ZFHX3: variants seen among roughly 807,000 people sequenced by gnomAD.
ZFHX3 encodes zinc finger homeobox 3, also known as zinc finger homeobox protein 3.
Under a neutral mutation model 279.1 loss-of-function variants are expected in ZFHX3, and 42 were observed. The ratio of observed to expected loss-of-function variants is 0.15; its 90% CI spans 0.12 to 0.19. ZFHX3 has a LOEUF of 0.19. Among genes scored for constraint, ZFHX3 ranks in the 10% least tolerant of loss-of-function variants. The pLI is 1.00. For synonymous variants in ZFHX3, 2,293 were observed against 1,957.8 expected (o/e 1.17, Z -4.52); for missense variants, 4,981 against 4,754.0 (o/e 1.05, Z -1.40).
At chr16:73,804,328 A>G (rs1221179942) in intron 1 of ZFHX3, among the ~76,000 whole-genome samples, 1 of 152,208 alleles carries the variant, frequency 6.6e-6, no homozygotes, top group African/African-American at 2.4e-5. Flanking sequence ...TGAAAAACAA[A>G]AACTACACCA....
intron 5 of ZFHX3, among the ~76,000 whole-genome samples, chr16:73,169,448 C>A (rs1163413269): frequency 3.3e-5 from 5 of 152,158 alleles, no homozygotes; most frequent in Non-Finnish European, 7.4e-5. Flanking sequence ...TGGGCAGTAT[C>A]TGGGCAACAT....
At chr16:73,646,589 T>C (rs1214428986) in intron 2 of ZFHX3, among the ~76,000 whole-genome samples, 1 of 152,042 alleles carries the variant, frequency 6.6e-6, no homozygotes, top group African/African-American at 2.4e-5. Context: ...GGAAAGACAA[T>C]TAATATTAGG....
chr16:73,709,797 T>C (rs1159921388), intron 1 of ZFHX3, among the ~76,000 whole-genome samples: 2 of 152,006 alleles, frequency 1.3e-5, no homozygotes, highest in East Asian at 3.9e-4. Flanking sequence ...GAAAAAATGG[T>C]AAGTATGTAA....
intron 1 of ZFHX3, among the ~76,000 whole-genome samples, chr16:73,792,935 T>C (rs1375139710): frequency 1.3e-5 from 2 of 148,920 alleles, no homozygotes; most frequent in Non-Finnish European, 3.0e-5. Flanking sequence ...TTGACGTTTG[T>C]TACAGAGAGC....
At chr16:73,209,663 A>G (rs2011939034) in intron 5 of ZFHX3, among the ~76,000 whole-genome samples, 1 of 152,126 alleles carries the variant, frequency 6.6e-6, no homozygotes, top group Non-Finnish European at 1.5e-5. Context: ...TATAGCTGGT[A>G]TTGTTTTGCA....
At chr16:73,561,723 A>G (rs2020372494) in intron 2 of ZFHX3, among the ~76,000 whole-genome samples, 1 of 152,220 alleles carries the variant, frequency 6.6e-6, no homozygotes, top group South Asian at 2.1e-4. Context: ...TTACAACAAA[A>G]ATCCAGCTAC....
At chr16:73,730,400 A>G (rs924109747) in intron 1 of ZFHX3, among the ~76,000 whole-genome samples, 2 of 151,768 alleles carry the variant, frequency 1.3e-5, no homozygotes, top group Admixed American at 1.3e-4. Flanking sequence ...AAGAAAGAAA[A>G]GAAAAGAAAA....
intron 6 of ZFHX3, among the ~76,000 whole-genome samples, chr16:73,137,957 G>A (rs1966820910): frequency 6.6e-6 from 1 of 152,092 alleles, no homozygotes; most frequent in African/African-American, 2.4e-5. Context: ...GCCGACAGAA[G>A]GAAATAATGA....
chr16:73,201,017 G>A (rs918639208), intron 5 of ZFHX3, among the ~76,000 whole-genome samples: 14 of 152,078 alleles, frequency 9.2e-5, no homozygotes, highest in African/African-American at 3.4e-4. Flanking sequence ...TCTTTTATGG[G>A]GAAGCACCTT....
chr16:73,564,710 A>G (rs1044171356), intron 2 of ZFHX3, among the ~76,000 whole-genome samples: 2 of 151,630 alleles, frequency 1.3e-5, no homozygotes, highest in Non-Finnish European at 2.9e-5. Context: ...AGCCTGACCC[A>G]CTCCTACTCC....
At chr16:73,217,144 G>C (rs1043796846) in intron 5 of ZFHX3, among the ~76,000 whole-genome samples, 1 of 152,218 alleles carries the variant, frequency 6.6e-6, no homozygotes, top group Admixed American at 6.5e-5. Flanking sequence ...TGTTACAGAT[G>C]AGTCAGAGGG....
intron 7 of ZFHX3, among the ~76,000 whole-genome samples, chr16:73,117,230 T>G (rs1429659610): frequency 6.6e-6 from 1 of 152,134 alleles, no homozygotes; most frequent in Non-Finnish European, 1.5e-5. Context: ...CTTCTTTCCT[T>G]CCTTCCTCTT....
At chr16:73,083,030 A>G in intron 8 of ZFHX3, among the ~76,000 whole-genome samples, 1 of 16,948 alleles carries the variant, frequency 5.9e-5, no homozygotes, top group East Asian at 0.045. Context: ...CTAAAAAAAA[A>G]AAAAAAAAAA....
chr16:73,305,751 C>A (rs1047622561), intron 4 of ZFHX3, among the ~76,000 whole-genome samples: 1 of 151,762 alleles, frequency 6.6e-6, no homozygotes, highest in Non-Finnish European at 1.5e-5. Flanking sequence ...GGGCGAGGTG[C>A]CCAGGAAAGG....
intron 2 of ZFHX3, among the ~76,000 whole-genome samples, chr16:73,512,908 G>A (rs918555233): frequency 1.3e-5 from 2 of 152,222 alleles, no homozygotes; most frequent in African/African-American, 4.8e-5. Context: ...CACTAGTGAA[G>A]CAGGCAGGCA....
At position 73,118,856 on chromosome 16, in the gene ZFHX3, GT is replaced by G. The variant is rs1444585462; in HGVS notation, c.-897+12111del. On this transcript the variant is annotated intron_variant, in intron 7 of 17. Coordinates refer to the ZFHX3 transcript ENST00000641206. ...TTTTTGGTTGCTACCCAGCACCCAT[GT>G]AACTATCCTCCACCTTAGCAGTATC... Among the ~76,000 whole-genome samples, 9 of 152,342 alleles carry G rather than the reference GT, an allele frequency of 5.9e-5. No individual in the cohort carries two copies. The East Asian group carries it at 1.7e-3, about 29-fold the overall frequency.
At chr16:73,481,718 CTT>C (rs1482861785) in intron 2 of ZFHX3, among the ~76,000 whole-genome samples, 1 of 152,110 alleles carries the variant, frequency 6.6e-6, no homozygotes, top group Non-Finnish European at 1.5e-5. Context: ...GTCTCAAACT[CTT>C]GGCCTCAAGT....
chr16:72,793,177 T>C lies in ZFHX3; in HGVS notation c.9427+78A>G, dbSNP rs1017854593. 6.6e-7 allele frequency: 1 copy of C among 1,522,472 alleles called. No individual in the cohort carries two copies. Among genetic ancestry groups the C allele is most frequent in the African/African-American group, 1.4e-5 (1 of 71,912 alleles). 94.3% of individuals were successfully genotyped at this position (1,522,472 alleles called of 1,614,324 possible). A position where few individuals can be genotyped will look rare whatever the true frequency, so the allele number is the denominator to read the frequency against. ...TCCCATCTGCCCAGCACTCAGAGGG[T>C]TTGGGTGGTATCCACATAACAGAAT... On this transcript the variant is annotated intron_variant, in intron 9 of 9. Transcript: ENST00000268489. This position sits in a 1 kb window ranked among gnomAD's most constrained non-coding sequence, Gnocchi z 4.3.
chr16:73,081,680 A>G (rs1469826060), intron 8 of ZFHX3: 1 of 152,218 alleles, frequency 6.6e-6, no homozygotes, highest in African/African-American at 2.4e-5. Flanking sequence ...AAGTGTTCTC[A>G]CAGGCCATTT....
Sources: gnomAD v4.1 joint callset for allele counts (sites outside exome capture counted in the v4.1 genomes callset) on GRCh38, gnomAD v4.1.1 for gene constraint, Gnocchi (gnomAD v3.1) non-coding constraint, MANE v1.5 for transcripts, NCBI Gene and HGNC (gene_info 2026-07-23, HGNC 2026-07-21) for gene names.